The following DENND5B variants were observed in gnomAD, a reference collection of about 807,000 sequenced individuals.
DENND5B encodes DENN domain-containing protein 5B.
DENND5B carries 34 observed loss-of-function variants against 140.6 expected under a neutral mutation model. The ratio of observed to expected loss-of-function variants is 0.24; its 90% CI spans 0.18 to 0.32. The LOEUF is 0.32. DENND5B is among the 10% of genes least tolerant of loss of function. The pLI, the probability that DENND5B is intolerant of heterozygous loss-of-function variation, is 1.00. For synonymous variants in DENND5B, 551 were observed against 562.1 expected, an observed-to-expected ratio of 0.98 and a Z score of 0.28; for missense variants, 1,142 against 1,560.2, an observed-to-expected ratio of 0.73 and a Z score of 4.52.
At position 31,415,490 on chromosome 12, in the gene DENND5B, A is replaced by G. The variant is rs1393041705; in HGVS notation, c.2471-42T>C. ...CAACAAAATATTAGAAAAGTAATAA[A>G]AAATATACATGGTTCATATTAAATA... is the stretch of plus-strand genomic sequence containing the variant. On this transcript the variant is annotated intron_variant, in intron 11 of 20. Transcript: ENST00000389082. The G allele has an allele frequency of 1.1e-5, 16 of 1,440,026 alleles. No individual in the cohort carries two copies. In the East Asian group the frequency reaches 3.7e-4, roughly 34 times the overall value. 89.2% of individuals were successfully genotyped at this position (1,440,026 alleles called of 1,614,324 possible). A position where few individuals can be genotyped will look rare whatever the true frequency, so the allele number is the denominator to read the frequency against.
At chr12:31,557,003 G>A (rs897812430) in intron 1 of DENND5B, among the ~76,000 whole-genome samples, 1 of 152,090 alleles carries the variant, frequency 6.6e-6, no homozygotes, top group African/African-American at 2.4e-5. Context: ...TCTATAGTAA[G>A]AGAATCTGTA....
intron 7 of DENND5B, 54 bp downstream of exon 7, chr12:31,442,721 C>A: frequency 6.4e-7 from 1 of 1,573,384 alleles, no homozygotes; most frequent in Non-Finnish European, 8.6e-7. Context: ...TTGCAGAGCA[C>A]CCCACCCTTC....
intron 2 of DENND5B, among the ~76,000 whole-genome samples, chr12:31,486,364 T>C (rs534765228): frequency 4.1e-4 from 63 of 152,344 alleles, no homozygotes; most frequent in African/African-American, 1.4e-3. Context: ...GACACCTTGA[T>C]CTTGTACTTT....
chr12:31,397,398 A>G (rs1009778193), intron 17 of DENND5B, among the ~76,000 whole-genome samples: 3 of 151,808 alleles, frequency 2.0e-5, no homozygotes, highest in Non-Finnish European at 4.4e-5. Context: ...AATATAAAAA[A>G]TTAGCCAGAT....
intron 6 of DENND5B, among the ~76,000 whole-genome samples, 187 bp downstream of exon 6, chr12:31,447,351 A>G (rs1944317811): frequency 6.6e-6 from 1 of 152,150 alleles, no homozygotes; most frequent in South Asian, 2.1e-4. Flanking sequence ...CTCTTCTAAG[A>G]GAAGAGGAAC....
In DENND5B at chr12:31,590,927, C is replaced by A; in HGVS notation, c.-95G>T. 3 of 1,128,756 alleles carry A rather than the reference C, an allele frequency of 2.7e-6. No individual in the cohort carries two copies. The highest frequency in any genetic ancestry group is 4.3e-5 in the South Asian group (1 of 23,340). 69.9% of individuals were successfully genotyped at this position (1,128,756 alleles called of 1,614,324 possible). A position where few individuals can be genotyped will look rare whatever the true frequency, so the allele number is the denominator to read the frequency against. On this transcript the variant is annotated 5_prime_UTR_variant, in exon 1 of 21. Coordinates refer to ENST00000389082, the MANE Select transcript of DENND5B (RefSeq NM_144973.4). Reference sequence around the variant, plus strand: ...CCGCTCCGGCTGTGGTCTGTGCGCCCGCCCTAGGGCGACACTGGCGCGCCC... The same window carrying A: ...CCGCTCCGGCTGTGGTCTGTGCGCCAGCCCTAGGGCGACACTGGCGCGCCC...
At chr12:31,454,626 G>T (rs1944685184) in intron 4 of DENND5B, among the ~76,000 whole-genome samples, 1 of 151,146 alleles carries the variant, frequency 6.6e-6, no homozygotes, top group Non-Finnish European at 1.5e-5. Context: ...TATATTCTTA[G>T]TAGAGATGGG....
intron 1 of DENND5B, among the ~76,000 whole-genome samples, chr12:31,527,204 C>CA (rs1948115140): frequency 6.6e-6 from 1 of 152,158 alleles, no homozygotes; most frequent in African/African-American, 2.4e-5. Flanking sequence ...GACTCACTGA[C>CA]ACAGGGCATT....
chr12:31,495,773 A>C (rs1012512260), intron 2 of DENND5B, 37 bp downstream of exon 2: 3 of 1,446,338 alleles, frequency 2.1e-6, no homozygotes, highest in African/African-American at 2.9e-5. Flanking sequence ...AGTGAAAACA[A>C]GGCTAAAGAG....
chr12:31,494,990 A>G (rs1946701806), intron 2 of DENND5B, among the ~76,000 whole-genome samples: 1 of 152,150 alleles, frequency 6.6e-6, no homozygotes, highest in Admixed American at 6.6e-5. Flanking sequence ...TTTGTTCCAG[A>G]CACCAAGAAG....
intron 3 of DENND5B, among the ~76,000 whole-genome samples, 191 bp downstream of exon 3, chr12:31,479,398 T>C (rs527314878): frequency 6.6e-6 from 1 of 152,348 alleles, no homozygotes; most frequent in South Asian, 2.1e-4. Flanking sequence ...CTCTCTGCAG[T>C]CACTGACTGC....
At chr12:31,504,480 G>A (rs1419667046) in intron 1 of DENND5B, among the ~76,000 whole-genome samples, 1 of 152,150 alleles carries the variant, frequency 6.6e-6, no homozygotes, top group African/African-American at 2.4e-5. Flanking sequence ...AAAGTTACTG[G>A]TAGAGATTTC....
intron 1 of DENND5B, among the ~76,000 whole-genome samples, chr12:31,572,097 G>A (rs1949844592): frequency 6.6e-6 from 1 of 152,030 alleles, no homozygotes; most frequent in African/African-American, 2.4e-5. Flanking sequence ...GGTGGCGCAT[G>A]CCTGTAATCC....
chr12:31,394,859 C>T (rs367904559), intron 17 of DENND5B, among the ~76,000 whole-genome samples: 2 of 152,050 alleles, frequency 1.3e-5, no homozygotes, highest in African/African-American at 2.4e-5. Flanking sequence ...GTGATCCGCC[C>T]GTCTTGGCCT....
chr12:31,494,534 A>G (rs1015900453), intron 2 of DENND5B, among the ~76,000 whole-genome samples: 2 of 151,940 alleles, frequency 1.3e-5, no homozygotes, highest in African/African-American at 4.8e-5. Flanking sequence ...ACCAGTGGCT[A>G]CTCCCTTTGT....
intron 1 of DENND5B, among the ~76,000 whole-genome samples, chr12:31,571,263 AT>A (rs1273303217): frequency 6.6e-6 from 1 of 152,210 alleles, no homozygotes; most frequent in Non-Finnish European, 1.5e-5. Context: ...CAACACACAA[AT>A]CGGACCAGTA....
At position 31,392,597 on chromosome 12, in the gene DENND5B, T is replaced by A. The variant is rs762858151; in HGVS notation, c.3339+17A>T. On this transcript the variant is annotated intron_variant, in intron 18 of 20. Coordinates refer to ENST00000389082, the MANE Select transcript of DENND5B (RefSeq NM_144973.4). ...TTTAAAAGTCCCACTATACTAAGTTTTATAGCCCATAAATACCTCTTTTTC... is the reference window on the plus strand; with the variant it reads ...TTTAAAAGTCCCACTATACTAAGTTATATAGCCCATAAATACCTCTTTTTC... 4 of 1,552,814 alleles carry A rather than the reference T, an allele frequency of 2.6e-6. No homozygotes were observed. The highest frequency in any genetic ancestry group is 2.4e-5 in the South Asian group (2 of 83,884).
rs1944573498 is a variant in DENND5B at position 31,452,296 on chromosome 12, G to A, written c.1273C>T (p.Leu425=). ...TTTTTGTCATTGACCAAGTCTTTCA[G>A]AACCATATTCTTCAGTTTGCTGGTA... ...ESTSKLKNMV[L]KDLVNDKKNG... is the part of the protein sequence containing the mutation. Residue 425 remains leucine (L), a synonymous_variant, in exon 5 of 21, where the codon CTG becomes TTG. Transcript: ENST00000389082. 1 of 1,613,750 alleles carries A rather than the reference G, an allele frequency of 6.2e-7. No individual in the cohort carries two copies.
intron 6 of DENND5B, among the ~76,000 whole-genome samples, chr12:31,446,159 ATTTT>A (rs1944267824): frequency 6.6e-6 from 1 of 151,816 alleles, no homozygotes; most frequent in Non-Finnish European, 1.5e-5. Flanking sequence ...CTTTCTTTTT[ATTTT>A]TTTGAGACGG....
Sources: allele counts gnomAD v4.1 joint callset (sites outside exome capture counted in the v4.1 genomes callset), GRCh38; gene constraint gnomAD v4.1.1; transcripts MANE v1.5; gene names NCBI Gene and HGNC (gene_info 2026-07-23, HGNC 2026-07-21).